Variants in PDE4B observed in about 807,000 individuals in gnomAD.
PDE4B encodes the protein 3',5'-cyclic-AMP phosphodiesterase 4B.
In PDE4B, 20 loss-of-function variants were observed where a neutral mutation model predicts 82.2. That is an observed-to-expected ratio of 0.24 (90% CI 0.17 to 0.35). The LOEUF is 0.35. Among genes scored for constraint, PDE4B ranks in the 10% least tolerant of loss-of-function variants. PDE4B has a pLI of 1.00. For missense variants in PDE4B, 655 were observed against 907.2 expected, an observed-to-expected ratio of 0.72 and a Z score of 3.57; for synonymous variants, 320 against 318.9, an observed-to-expected ratio of 1.00 and a Z score of -0.04.
intron 3 of PDE4B, among the ~76,000 whole-genome samples, chr1:66,199,896 T>C (rs1648722510): frequency 1.3e-5 from 2 of 152,196 alleles, no homozygotes; most frequent in South Asian, 4.1e-4. Context: ...TTGCTTTTGG[T>C]GTTTTAGACA....
At chr1:66,024,514 A>G (rs1271040582) in intron 3 of PDE4B, among the ~76,000 whole-genome samples, 4 of 152,156 alleles carry the variant, frequency 2.6e-5, no homozygotes, top group East Asian at 3.8e-4. Context: ...ATGACTTTAA[A>G]TAGATTTTTC....
chr1:66,326,310 A>G (rs767414744), intron 7 of PDE4B, among the ~76,000 whole-genome samples: 10 of 152,182 alleles, frequency 6.6e-5, no homozygotes, highest in Non-Finnish European at 1.5e-4. Flanking sequence ...GAACATACCT[A>G]TGTAACCAGT....
chr1:65,939,816 T>TA (rs1376577672), intron 3 of PDE4B, among the ~76,000 whole-genome samples: 1 of 152,154 alleles, frequency 6.6e-6, no homozygotes, highest in Non-Finnish European at 1.5e-5. Context: ...AAGATCCACT[T>TA]ACGCAAGGCA....
At chr1:65,856,945 G>A (rs115529958) in intron 1 of PDE4B, among the ~76,000 whole-genome samples, 1,803 of 152,292 alleles carry the variant, frequency 0.012, 42 homozygotes, top group African/African-American at 0.039. Flanking sequence ...TCAGTGGATA[G>A]TGTCAGATAT....
intron 3 of PDE4B, among the ~76,000 whole-genome samples, chr1:66,083,245 C>T (rs1423538459): frequency 2.0e-5 from 3 of 152,080 alleles, no homozygotes; most frequent in Non-Finnish European, 2.9e-5. Flanking sequence ...CTTGTGCCTC[C>T]TCTGTCAAGT....
intron 1 of PDE4B, among the ~76,000 whole-genome samples, chr1:65,838,464 A>C (rs1198064606): frequency 7.0e-6 from 1 of 142,546 alleles, no homozygotes; most frequent in African/African-American, 2.5e-5. Flanking sequence ...TCCTTCCTTT[A>C]GATTGTCACT....
At chr1:65,977,581 C>T (rs535656600) in intron 3 of PDE4B, among the ~76,000 whole-genome samples, 7 of 152,232 alleles carry the variant, frequency 4.6e-5, no homozygotes, top group African/African-American at 1.7e-4. Flanking sequence ...GTACTTTGTG[C>T]ACTTTGTAAT....
At chr1:66,267,012 A>G in intron 7 of PDE4B, 2 of 183,634 alleles carry the variant, frequency 1.1e-5, no homozygotes, top group South Asian at 1.9e-4. Context: ...TCTTTCTGGT[A>G]TCCTGATCAT....
intron 1 of PDE4B, among the ~76,000 whole-genome samples, chr1:65,863,247 A>G (rs1379151283): frequency 1.3e-5 from 2 of 151,832 alleles, no homozygotes; most frequent in African/African-American, 4.8e-5. Flanking sequence ...TTTCTTCCTT[A>G]ATTTCATTAT....
intron 1 of PDE4B, among the ~76,000 whole-genome samples, chr1:65,904,629 C>T (rs953975659): frequency 1.3e-5 from 2 of 152,202 alleles, no homozygotes; most frequent in South Asian, 4.1e-4. Flanking sequence ...CCTGACCCAT[C>T]CTATTTGCTG....
chr1:66,048,682 A>G (rs1019594529), intron 3 of PDE4B: 1 of 151,984 alleles, frequency 6.6e-6, no homozygotes, highest in Non-Finnish European at 1.5e-5. Flanking sequence ...GTCAAGGAGC[A>G]GTGGAGATGC....
intron 9 of PDE4B, among the ~76,000 whole-genome samples, chr1:66,356,420 C>T (rs914308556): frequency 1.3e-5 from 2 of 152,178 alleles, no homozygotes; most frequent in African/African-American, 4.8e-5. Flanking sequence ...TTAAGAAGTC[C>T]TACAGAATCT....
intron 3 of PDE4B, among the ~76,000 whole-genome samples, chr1:65,999,995 A>G (rs10493393): frequency 0.21 from 31,645 of 152,128 alleles, 4,052 homozygotes; most frequent in East Asian, 0.38. Context: ...ATTGTATTCT[A>G]TGATATTGCA....
chr1:66,155,188 C>G (rs1214690430), intron 3 of PDE4B, among the ~76,000 whole-genome samples: 1 of 151,620 alleles, frequency 6.6e-6, no homozygotes, highest in African/African-American at 2.4e-5. Flanking sequence ...AGCCAAGGTG[C>G]CTTTGGAGTC....
chr1:66,194,722 A>C (rs1420524347), intron 3 of PDE4B, among the ~76,000 whole-genome samples: 1 of 152,110 alleles, frequency 6.6e-6, no homozygotes, highest in African/African-American at 2.4e-5. Context: ...AAATAATAAA[A>C]AAGGTGAGTT....
intron 3 of PDE4B, among the ~76,000 whole-genome samples, chr1:66,150,719 A>G (rs893590160): frequency 2.0e-5 from 3 of 151,972 alleles, no homozygotes; most frequent in Admixed American, 6.6e-5. Context: ...TTATATCCCT[A>G]CTTTGTTAGG....
chr1:65,866,843 C>A (rs571400084), intron 1 of PDE4B, among the ~76,000 whole-genome samples: 106 of 152,258 alleles, frequency 7.0e-4, no homozygotes, highest in Admixed American at 2.3e-3. Flanking sequence ...GCATATTGAG[C>A]AGCTGCAATG....
At chr1:65,934,980 G>T (rs992370716) in intron 3 of PDE4B, among the ~76,000 whole-genome samples, 6 of 152,040 alleles carry the variant, frequency 3.9e-5, no homozygotes, top group Non-Finnish European at 8.8e-5. Context: ...ATAACAAACA[G>T]CAGACTTGAA....
At chr1:66,292,203 C>T (rs1364116533) in intron 7 of PDE4B, among the ~76,000 whole-genome samples, 4 of 152,160 alleles carry the variant, frequency 2.6e-5, no homozygotes, top group African/African-American at 9.7e-5. Context: ...TGACCTTTAA[C>T]AGGCTTGACT....
Sources: gnomAD v4.1 joint callset for allele counts (sites outside exome capture counted in the v4.1 genomes callset) on GRCh38, gnomAD v4.1.1 for gene constraint, MANE v1.5 for transcripts, NCBI Gene and HGNC (gene_info 2026-07-23, HGNC 2026-07-21) for gene names.